RGS6: variants seen among roughly 807,000 people sequenced by gnomAD.
The protein encoded by RGS6 is regulator of G-protein signaling 6.
Under a neutral mutation model 78.5 loss-of-function variants are expected in RGS6, and 30 were observed. The ratio of observed to expected loss-of-function variants is 0.38; its 90% CI spans 0.29 to 0.52. The LOEUF (loss-of-function observed/expected upper bound fraction) is 0.52, where lower values mean the gene tolerates loss of function less well. RGS6 is among the 20% of genes least tolerant of loss of function. The probability of loss-of-function intolerance (pLI) is 0.85; values close to 1 mark genes in which losing one functional copy is unlikely to be tolerated. For missense variants in RGS6, 495 were observed against 609.7 expected, an observed-to-expected ratio of 0.81 and a Z score of 1.98; for synonymous variants, 206 against 206.0, an observed-to-expected ratio of 1.00 and a Z score of 0.00.
chr14:72,204,076 G>A (rs757682156), intron 2 of RGS6, among the ~76,000 whole-genome samples: 3 of 151,842 alleles, frequency 2.0e-5, no homozygotes, highest in Non-Finnish European at 4.4e-5. Context: ...TGCCCACCTC[G>A]GCCTCCCAAA....
At chr14:71,982,292 T>C (rs1036420691) in intron 2 of RGS6, among the ~76,000 whole-genome samples, 1 of 152,218 alleles carries the variant, frequency 6.6e-6, no homozygotes, top group Non-Finnish European at 1.5e-5. Context: ...TGTTCCTATT[T>C]GGCCATCTTG....
chr14:72,362,863 T>C (rs759120017), intron 3 of RGS6, among the ~76,000 whole-genome samples: 9 of 152,278 alleles, frequency 5.9e-5, no homozygotes, highest in Middle Eastern at 3.4e-3. Context: ...ACCATAACAA[T>C]CTACCACAGA....
At chr14:72,119,416 G>A (rs574823668) in intron 2 of RGS6, among the ~76,000 whole-genome samples, 1 of 152,296 alleles carries the variant, frequency 6.6e-6, no homozygotes, top group Admixed American at 6.5e-5. Context: ...TGTGCTAGTG[G>A]TAGTTTTGTT....
the RGS6 span, among the ~76,000 whole-genome samples, chr14:71,894,508 A>G: frequency 2.6e-5 from 4 of 152,182 alleles, no homozygotes; most frequent in Non-Finnish European, 5.9e-5. Context: ...TACTCTGTCT[A>G]TGGAGCAGCT....
chr14:72,253,116 C>A (rs2056223409), intron 2 of RGS6, among the ~76,000 whole-genome samples: 1 of 152,224 alleles, frequency 6.6e-6, no homozygotes, highest in Non-Finnish European at 1.5e-5. Context: ...ATGTGACTTG[C>A]TTTGGTCAAT....
the RGS6 span, among the ~76,000 whole-genome samples, chr14:72,579,947 C>T: frequency 6.6e-6 from 1 of 152,122 alleles, no homozygotes; most frequent in Non-Finnish European, 1.5e-5. Context: ...GAGATCTGGA[C>T]AATAGGAAAG....
In RGS6 at chr14:72,556,363, C is replaced by T. The variant is rs927486385; in HGVS notation, c.1423-6054C>T. Among the ~76,000 whole-genome samples, 4 of 152,110 alleles carry T rather than the reference C, an allele frequency of 2.6e-5. No individual in the cohort carries two copies. The South Asian group carries it at 6.2e-4, about 24-fold the overall frequency. ...TCTCATGAGAACTCACTCCCTATCA[C>T]GAGAATAGCATGGGGGAAACCACCC... is the stretch of plus-strand genomic sequence containing the variant. On this transcript the variant is annotated intron_variant, in intron 17 of 17. Coordinates refer to ENST00000553525, the MANE Select transcript of RGS6 (RefSeq NM_001204424.2).
chr14:72,453,029 G>T (rs192621759), intron 3 of RGS6, among the ~76,000 whole-genome samples: 1 of 152,204 alleles, frequency 6.6e-6, no homozygotes, highest in Non-Finnish European at 1.5e-5. Flanking sequence ...GGAGGACGTC[G>T]CTGGTATGCC....
the RGS6 span, among the ~76,000 whole-genome samples, chr14:71,875,146 A>G: frequency 3.9e-5 from 6 of 152,350 alleles, no homozygotes; most frequent in African/African-American, 1.2e-4. Flanking sequence ...TATTAGGATG[A>G]TGCTGGCCTC....
chr14:72,080,921 C>T (rs1389998341), intron 2 of RGS6, among the ~76,000 whole-genome samples: 1 of 152,066 alleles, frequency 6.6e-6, no homozygotes, highest in Non-Finnish European at 1.5e-5. Flanking sequence ...ATTACTGTAG[C>T]TTTGTAGTAG....
chr14:71,993,553 A>G (rs1046710781), intron 2 of RGS6, among the ~76,000 whole-genome samples: 4 of 152,324 alleles, frequency 2.6e-5, no homozygotes, highest in Admixed American at 1.3e-4. Context: ...CTTTATACAT[A>G]AAGAAATTAA....
intron 2 of RGS6, among the ~76,000 whole-genome samples, chr14:71,972,685 A>T (rs1300473903): frequency 6.6e-6 from 1 of 151,950 alleles, no homozygotes; most frequent in Admixed American, 6.6e-5. Flanking sequence ...AAGTGGTAGG[A>T]TTGGAGGTAG....
At chr14:72,519,095 G>A (rs1476228903) in intron 15 of RGS6, among the ~76,000 whole-genome samples, 3 of 152,214 alleles carry the variant, frequency 2.0e-5, no homozygotes, top group African/African-American at 7.2e-5. Context: ...AAGTAAATGG[G>A]CAACTTCAAC....
chr14:72,363,427 G>A (rs985166755), intron 3 of RGS6, among the ~76,000 whole-genome samples: 6 of 152,172 alleles, frequency 3.9e-5, no homozygotes, highest in African/African-American at 1.4e-4. Flanking sequence ...GATAGAAACC[G>A]TTATTATCTC....
intron 2 of RGS6, among the ~76,000 whole-genome samples, chr14:72,220,993 C>T (rs1472742741): frequency 6.6e-6 from 1 of 152,150 alleles, no homozygotes; most frequent in Non-Finnish European, 1.5e-5. Flanking sequence ...CAGCCCTTAT[C>T]CTCTGAAGGA....
intron 6 of RGS6, among the ~76,000 whole-genome samples, 156 bp from the exon 7 acceptor site, chr14:72,465,574 ATGGATGGATGGATGGATGGATGGATGGT>A (rs2095880139): frequency 6.7e-6 from 1 of 149,180 alleles, no homozygotes; most frequent in Non-Finnish European, 1.5e-5. Flanking sequence ...GGATGGATGG[ATGGATGGATGGATGGATGGATGGATGGT>A]TGGGTGGATG....
intron 2 of RGS6, among the ~76,000 whole-genome samples, chr14:72,106,658 A>G (rs2095639215): frequency 6.6e-6 from 1 of 152,158 alleles, no homozygotes; most frequent in Admixed American, 6.6e-5. Context: ...CCTAGCCGCA[A>G]TCATTTAGTC....
intron 3 of RGS6, among the ~76,000 whole-genome samples, chr14:72,402,546 A>C (rs1412413814): frequency 6.6e-6 from 1 of 152,172 alleles, no homozygotes; most frequent in Non-Finnish European, 1.5e-5. Flanking sequence ...AATAAAAACC[A>C]CAGTGAGATA....
intron 3 of RGS6, among the ~76,000 whole-genome samples, chr14:72,428,103 A>G (rs761486105): frequency 6.6e-6 from 1 of 152,186 alleles, no homozygotes; most frequent in East Asian, 1.9e-4. Context: ...TATCTCACCA[A>G]TGGAGCCAGA....
Sources: allele counts gnomAD v4.1 joint callset (sites outside exome capture counted in the v4.1 genomes callset), GRCh38; gene constraint gnomAD v4.1.1; transcripts MANE v1.5; gene names NCBI Gene and HGNC (gene_info 2026-07-23, HGNC 2026-07-21).